The following FAF1 variants were observed in gnomAD, a reference collection of about 807,000 sequenced individuals.
FAF1 encodes the protein FAS-associated factor 1.
In FAF1, 25 loss-of-function variants were observed where a neutral mutation model predicts 92.5. That is an observed-to-expected ratio of 0.27 (90% CI 0.20 to 0.38). FAF1 has a LOEUF of 0.38. Ranked by LOEUF, FAF1 falls within the 10% of genes least tolerant of loss-of-function variation. The probability of loss-of-function intolerance (pLI) is 1.00; values close to 1 mark genes in which losing one functional copy is unlikely to be tolerated. For missense variants in FAF1, 636 were observed against 793.3 expected, an observed-to-expected ratio of 0.80 and a Z score of 2.38; for synonymous variants, 234 against 273.2, an observed-to-expected ratio of 0.86 and a Z score of 1.42.
intron 8 of FAF1, among the ~76,000 whole-genome samples, chr1:50,635,099 A>T (rs1354545826): frequency 6.6e-6 from 1 of 152,214 alleles, no homozygotes; most frequent in African/African-American, 2.4e-5. Context: ...GTGAGCACCA[A>T]AATAGAGTAC....
intron 13 of FAF1, among the ~76,000 whole-genome samples, chr1:50,549,488 C>G (rs1311500074): frequency 6.6e-6 from 1 of 151,242 alleles, no homozygotes; most frequent in Non-Finnish European, 1.5e-5. Flanking sequence ...TTTAAAAAAA[C>G]AAAATTTAAG....
chr1:50,637,895 T>C (rs545366288), intron 8 of FAF1, among the ~76,000 whole-genome samples: 1 of 151,402 alleles, frequency 6.6e-6, no homozygotes, highest in South Asian at 2.1e-4. Flanking sequence ...AAGTCATCTC[T>C]GATCTAAGAT....
chr1:50,597,094 T>A (rs1651858298), intron 8 of FAF1, among the ~76,000 whole-genome samples: 1 of 151,908 alleles, frequency 6.6e-6, no homozygotes, highest in African/African-American at 2.4e-5. Context: ...AGCGTAGGGA[T>A]AATAAGGTTG....
At chr1:50,745,029 T>C (rs1476860747) in intron 4 of FAF1, among the ~76,000 whole-genome samples, 1 of 152,208 alleles carries the variant, frequency 6.6e-6, no homozygotes, top group African/African-American at 2.4e-5. Context: ...TGCTCATGCC[T>C]GTAATCCCAG....
At chr1:50,852,416 A>G (rs548424778) in intron 2 of FAF1, among the ~76,000 whole-genome samples, 1 of 152,366 alleles carries the variant, frequency 6.6e-6, no homozygotes, top group South Asian at 2.1e-4. Flanking sequence ...GTCACAGACA[A>G]AATTAATAAG....
chr1:50,718,252 A>G (rs937797221), intron 6 of FAF1, among the ~76,000 whole-genome samples: 2 of 151,746 alleles, frequency 1.3e-5, no homozygotes, highest in African/African-American at 4.8e-5. Flanking sequence ...GCTGGACTCA[A>G]CTCCTGACCT....
At chr1:50,849,177 G>T (rs1020805333) in intron 2 of FAF1, among the ~76,000 whole-genome samples, 1 of 151,614 alleles carries the variant, frequency 6.6e-6, no homozygotes, top group Non-Finnish European at 1.5e-5. Flanking sequence ...TGAGGCAGGA[G>T]AATCGCTTGA....
chr1:50,848,149 T>TTA (rs1557557218), intron 2 of FAF1, among the ~76,000 whole-genome samples: 1 of 151,780 alleles, frequency 6.6e-6, no homozygotes, highest in African/African-American at 2.4e-5. Context: ...AAAAATAATT[T>TTA]AAAAAAAACA....
At chr1:50,591,970 T>A (rs1222044480) in intron 9 of FAF1, among the ~76,000 whole-genome samples, 1 of 152,120 alleles carries the variant, frequency 6.6e-6, no homozygotes, top group African/African-American at 2.4e-5. Flanking sequence ...TTCCTTTATT[T>A]AAAAAATATT....
chr1:50,897,203 G>C (rs553455883), intron 1 of FAF1, among the ~76,000 whole-genome samples: 1 of 152,082 alleles, frequency 6.6e-6, no homozygotes. Flanking sequence ...TCATAGACAG[G>C]AACACACAAT....
chr1:50,507,607 C>G (rs760005351), intron 15 of FAF1, among the ~76,000 whole-genome samples: 2 of 152,128 alleles, frequency 1.3e-5, no homozygotes, highest in Non-Finnish European at 2.9e-5. Context: ...GTCCTAGCTA[C>G]TCAGGAAGCT....
At chr1:50,519,483 G>T (rs1185597161) in intron 15 of FAF1, among the ~76,000 whole-genome samples, 1 of 151,660 alleles carries the variant, frequency 6.6e-6, no homozygotes, top group Non-Finnish European at 1.5e-5. Flanking sequence ...AGGAAGGAAA[G>T]AAAGAAAATA....
At position 50,775,791 on chromosome 1, in the gene FAF1, T is replaced by C. The variant is rs1487011120; in HGVS notation, c.367+12209A>G. On this transcript the variant is annotated intron_variant, in intron 4 of 18. Transcript: ENST00000396153. ...AAGGAGAGATTCAGTCATAATGTGA[T>C]AGAATTCACAAAACTTTATTGACTA... 2.0e-5 allele frequency among the ~76,000 whole-genome samples: 3 copies of C among 152,142 alleles called. No individual in the cohort carries two copies. The South Asian group carries it at 6.2e-4, about 31-fold the overall frequency.
At chr1:50,697,642 T>C (rs909412849) in intron 7 of FAF1, among the ~76,000 whole-genome samples, 2 of 152,196 alleles carry the variant, frequency 1.3e-5, no homozygotes, top group African/African-American at 4.8e-5. Context: ...GGCTTTGCAA[T>C]GAGCAGATGC....
chr1:50,871,432 G>C (rs1440804841), intron 1 of FAF1, among the ~76,000 whole-genome samples: 1 of 152,194 alleles, frequency 6.6e-6, no homozygotes, highest in African/African-American at 2.4e-5. Flanking sequence ...AGCTTCAAAG[G>C]GCAGGCTGAC....
At chr1:50,671,359 C>T (rs751566864) in intron 7 of FAF1, among the ~76,000 whole-genome samples, 26 of 150,912 alleles carry the variant, frequency 1.7e-4, no homozygotes, top group Non-Finnish European at 3.1e-4. Flanking sequence ...GAAACAAGAT[C>T]ATGCCACTGC....
At chr1:50,746,294 T>G (rs2789900) in intron 4 of FAF1, among the ~76,000 whole-genome samples, 2 of 29,082 alleles carry the variant, frequency 6.9e-5, no homozygotes, top group Non-Finnish European at 1.2e-4. Flanking sequence ...ATATATATAT[T>G]TTTTTTTTTT....
intron 18 of FAF1, among the ~76,000 whole-genome samples, chr1:50,446,518 A>G (rs1646228773): frequency 6.6e-6 from 1 of 152,192 alleles, no homozygotes; most frequent in South Asian, 2.1e-4. Context: ...TTCTGGTCCC[A>G]TGCACTTCAG....
At chr1:50,946,120 C>T (rs1248666498) in intron 1 of FAF1, among the ~76,000 whole-genome samples, 1 of 152,230 alleles carries the variant, frequency 6.6e-6, no homozygotes, top group African/African-American at 2.4e-5. Context: ...TCAGGCAAAG[C>T]AAAATTCTAA....
Sources: gnomAD v4.1 joint callset for allele counts (sites outside exome capture counted in the v4.1 genomes callset) on GRCh38, gnomAD v4.1.1 for gene constraint, MANE v1.5 for transcripts, NCBI Gene and HGNC (gene_info 2026-07-23, HGNC 2026-07-21) for gene names.